Variants in PANX2 observed in about 807,000 individuals in gnomAD.
PANX2 encodes pannexin 2, also known as pannexin-2.
In PANX2, 30 loss-of-function variants were observed where a neutral mutation model predicts 38.7. That is an observed-to-expected ratio of 0.78 (90% confidence interval 0.58 to 1.05). The LOEUF (loss-of-function observed/expected upper bound fraction) is 1.05. Among genes scored for constraint, PANX2 ranks in the 50% least tolerant of loss-of-function variants. PANX2 has a pLI of 0.00. For synonymous variants in PANX2, 539 were observed against 472.1 expected (o/e 1.14, Z -1.84); for missense variants, 880 against 979.3 (o/e 0.90, Z 1.35).
At position 50,175,366 on chromosome 22, in the gene PANX2, G is replaced by A. The variant is rs2063656264; in HGVS notation, c.227-1573G>A. The A allele has an allele frequency of 1.9e-5, 16 of 827,750 alleles. 1 individual carries two copies. In the South Asian group the frequency reaches 2.5e-4, roughly 13 times the overall value. 51.3% of individuals were successfully genotyped at this position (827,750 alleles called of 1,614,324 possible). On this transcript the variant is annotated intron_variant, in intron 1 of 2. Transcript: ENST00000395842. ...CATGTTGGCCACACATGCCCAGCAA[G>A]GGTGGCTGCCAGGGATGGGCCCAGC...
Position 50,178,384 on chromosome 22 carries a change from GC to G in PANX2, c.1676del (p.Pro559ArgfsTer45). ...GGCGGAGGACTGTGGGCTAGGCCTG[GC>G]CCCGGCGCCCATCAAAGGTAGGGGC... ...SQAEDCGLGL[A>X]PAPIKDAPLP... On this transcript the variant is annotated frameshift_variant, in exon 2 of 3. Transcript: ENST00000395842. LOFTEE classifies it low-confidence loss of function (END_TRUNC). 7.0e-7 allele frequency: 1 copy of G among 1,428,738 alleles called. No individual in the cohort carries two copies. The allele number at this position is 1,428,738 out of a possible 1,614,324, so 88.5% of individuals were successfully genotyped here.
chr22:50,172,751 CA>C (rs968546725), intron 1 of PANX2, among the ~76,000 whole-genome samples: 3 of 149,252 alleles, frequency 2.0e-5, no homozygotes, highest in African/African-American at 4.9e-5. Flanking sequence ...TTTTTTGAGA[CA>C]AAGTCTCGCT....
rs549791262 is a variant in PANX2 at position 50,178,533 on chromosome 22, G to C, written c.1690+131G>C. 1.0e-4 allele frequency: 61 copies of C among 594,870 alleles called. No homozygotes were observed. The South Asian group carries it at 1.5e-3, about 15-fold the overall frequency. 36.8% of individuals were successfully genotyped at this position (594,870 alleles called of 1,614,324 possible). A position where few individuals can be genotyped will look rare whatever the true frequency, so the allele number is the denominator to read the frequency against. On this transcript the variant is annotated intron_variant, in intron 2 of 2. Transcript: ENST00000395842. ...GGCCTGGCTTGAGGCCCCCTCAAAG[G>C]GGGAAGGGAGGAGGCCGAGGTTTGA...
rs774650634 is a variant in PANX2 at position 50,178,267 on chromosome 22, C to A, written c.1555C>A (p.Pro519Thr). ...GCGCCACTTCTCCCTGGACGTGCAC[C>A]CCTACATCCTCGGCACCAAGAAGGC... Reference protein sequence around the residue: ...HARHFSLDVHPYILGTKKAKA... With the variant: ...HARHFSLDVHTYILGTKKAKA... The change falls in exon 2 of 3, where the codon CCC becomes ACC. Residue 519 changes from proline (P) to threonine (T), a missense_variant. By Grantham distance (38) the Pro-to-Thr change is conservative (BLOSUM62 -1). Transcript: ENST00000395842. 2.0e-6 allele frequency: 3 copies of A among 1,532,520 alleles called. No homozygotes were observed. Among genetic ancestry groups the A allele is most frequent in the South Asian group, 1.2e-5 (1 of 82,696 alleles). The allele number at this position is 1,532,520 out of a possible 1,614,324, so 94.9% of individuals were successfully genotyped here.
Position 50,177,606 on chromosome 22 carries a change from G to T in PANX2, c.894G>T (p.Leu298=). The change falls in exon 2 of 3, where the codon CTG becomes CTT. Residue 298 remains leucine, a synonymous_variant. Transcript: ENST00000395842. ...TCGCGGGCGTGGACATCGTGCTGCT[G>T]TGCGTCATGAACCTCATCATCCTCG... ...RIIAGVDIVL[L]CVMNLIILVN... The T allele has an allele frequency of 6.2e-7, 1 of 1,612,934 alleles. No individual in the cohort carries two copies.
chr22:50,171,854 G>C (rs1046041875), intron 1 of PANX2, among the ~76,000 whole-genome samples: 1 of 145,868 alleles, frequency 6.9e-6, no homozygotes, highest in South Asian at 2.1e-4. Flanking sequence ...TGGGACCCTG[G>C]GGCCCTCTCT....
chr22:50,178,054 G>A lies in PANX2; in HGVS notation c.1342G>A (p.Ala448Thr), dbSNP rs143361988. The A allele has an allele frequency of 1.9e-5, 30 of 1,552,682 alleles. No homozygotes were observed. The highest frequency in any genetic ancestry group is 2.6e-5 in the Non-Finnish European group (30 of 1,156,574). ...TCCGCAGCCCTTCAAGGAGCCGCTG[G>A]CCATCATGCGCGTGGAGAACAGCAA... is the stretch of plus-strand genomic sequence containing the variant. ...PLPQPFKEPL[A>T]IMRVENSKAE... Residue 448 changes from alanine (A) to threonine (T), a missense_variant, in exon 2 of 3, where the codon GCC (alanine) becomes ACC (threonine). Coordinates refer to ENST00000395842, the MANE Select transcript of PANX2 (RefSeq NM_052839.4).
chr22:50,178,855 G>C, intron 2 of PANX2, 79 bp from the exon 3 acceptor site: 1 of 1,289,680 alleles, frequency 7.8e-7, no homozygotes, highest in Admixed American at 2.5e-5. Flanking sequence ...CTGCTCCCCC[G>C]CCAGCCTGCA....
chr22:50,178,943 TC>T lies in PANX2; in HGVS notation c.1704del (p.Glu569ArgfsTer35). 6.4e-7 allele frequency: 1 copy of T among 1,571,714 alleles called. No homozygotes were observed. On this transcript the variant is annotated frameshift_variant, in exon 3 of 3. Transcript: ENST00000395842. LOFTEE classifies it low-confidence loss of function (END_TRUNC). Reference protein sequence around the residue: ...LAPAPIKDAPLPEKEIPYPTE... With the variant: ...LAPAPIKDAPXPEKEIPYPTE... Reference sequence around the variant, plus strand: ...TCTTGGCTGTTTGCAGATGCTCCGCTCCCCGAGAAGGAAATCCCGTACCCCA... The same window carrying T: ...TCTTGGCTGTTTGCAGATGCTCCGCTCCCGAGAAGGAAATCCCGTACCCCA...
At chr22:50,173,193 G>A (rs1482868841) in intron 1 of PANX2, among the ~76,000 whole-genome samples, 1 of 152,018 alleles carries the variant, frequency 6.6e-6, no homozygotes, top group Non-Finnish European at 1.5e-5. Flanking sequence ...CACCGTGCCT[G>A]ACCCATTTTT....
chr22:50,179,022 A>G lies in PANX2; in HGVS notation c.1779A>G (p.Ser593=), dbSNP rs770065798. The part of the protein sequence containing the change: ...LPSGGPFHVR[S]PPAAPAVAPL... ...CGGGGGGCCCGTTCCACGTCCGCTCACCTCCCGCCGCCCCTGCTGTGGCCC... is the reference window on the plus strand; with the variant it reads ...CGGGGGGCCCGTTCCACGTCCGCTCGCCTCCCGCCGCCCCTGCTGTGGCCC... Residue 593 remains serine (S), a synonymous_variant, in exon 3 of 3, where the codon TCA becomes TCG. Transcript: ENST00000395842. 1 of 1,608,856 alleles carries G rather than the reference A, an allele frequency of 6.2e-7. No individual in the cohort carries two copies. Among genetic ancestry groups the G allele is most frequent in the South Asian group, 1.1e-5 (1 of 90,750 alleles).
At chr22:50,175,398 C>T (rs1013421063) in intron 1 of PANX2, 11 of 1,225,912 alleles carry the variant, frequency 9.0e-6, no homozygotes, top group East Asian at 6.0e-5. Flanking sequence ...CAGCTCAGGA[C>T]GGGACACAAA....
rs1478814213 is a variant in PANX2, at chr22:50,178,314, C to T, written c.1602C>T (p.Ala534=). 3.3e-6 allele frequency: 5 copies of T among 1,514,302 alleles called. No homozygotes were observed. In the African/African-American group the frequency reaches 4.3e-5, roughly 13 times the overall value. 93.8% of individuals were successfully genotyped at this position (1,514,302 alleles called of 1,614,324 possible). ...TKKAKAEAVP[A]ALPASRSQEG... ...AGGCCAAGGCCGAGGCGGTGCCCGC[C>T]GCCCTGCCCGCCTCCCGGAGCCAGG... Residue 534 remains alanine, a synonymous_variant, in exon 2 of 3, where the codon GCC becomes GCT. Transcript: ENST00000395842.
chr22:50,173,441 G>C (rs181048837), intron 1 of PANX2, among the ~76,000 whole-genome samples: 1 of 152,270 alleles, frequency 6.6e-6, no homozygotes, highest in Admixed American at 6.5e-5. Context: ...TTGGAGGGCC[G>C]AGCGCAGCCC....
Position 50,178,114 on chromosome 22 carries a change from G to A in PANX2, c.1402G>A (p.Ala468Thr). ...GCCGAAGCCCGCGCGCAGGAAGACGGCCACGGACACGCTGATCGCGCCGCT... is the reference window on the plus strand; with the variant it reads ...GCCGAAGCCCGCGCGCAGGAAGACGACCACGGACACGCTGATCGCGCCGCT... ...EKPKPARRKTATDTLIAPLLD... is the reference protein window; with the variant it reads ...EKPKPARRKTTTDTLIAPLLD... Residue 468 changes from alanine (A) to threonine (T), a missense_variant, in exon 2 of 3, where the codon GCC (alanine) becomes ACC (threonine). Ala to Thr is a moderately conservative substitution (Grantham distance 58). Around this residue, in one of 4 missense-constraint regions of PANX2, gnomAD observed 445 missense variants for 404.3 expected, o/e 1.10. Transcript: ENST00000395842. 1.3e-6 allele frequency: 2 copies of A among 1,543,072 alleles called. No individual in the cohort carries two copies. The highest frequency in any genetic ancestry group is 2.4e-5 in the South Asian group (2 of 84,052).
chr22:50,178,646 A>T (rs906568316), intron 2 of PANX2, among the ~76,000 whole-genome samples: 2 of 152,106 alleles, frequency 1.3e-5, no homozygotes, highest in Non-Finnish European at 2.9e-5. Context: ...GGTGGGGAAG[A>T]TGCAGGCTGG....
intron 1 of PANX2, among the ~76,000 whole-genome samples, chr22:50,173,709 T>A (rs1210456614): frequency 6.6e-6 from 1 of 152,078 alleles, no homozygotes; most frequent in Non-Finnish European, 1.5e-5. Flanking sequence ...AAAACGAAGG[T>A]GTCAGCAGGG....
At position 50,178,229 on chromosome 22, in the gene PANX2, A is replaced by G; in HGVS notation, c.1517A>G (p.Asp506Gly). The change falls in exon 2 of 3, where the codon GAC (aspartate) becomes GGC (glycine). Residue 506 changes from aspartate (D) to glycine (G), a missense_variant. Asp to Gly is a moderately conservative substitution (Grantham distance 94, BLOSUM62 -1). This residue lies in a region of PANX2 where 445 missense variants were observed against 404.3 expected (regional missense o/e 1.10). Coordinates refer to ENST00000395842, the MANE Select transcript of PANX2 (RefSeq NM_052839.4). ...APAPAPPPAP[D>G]KKHARHFSLD... ...GCCCCCGCCCCGCCGCCCGCCCCTG[A>G]CAAGAAGCACGCGCGCCACTTCTCC... 2.0e-6 allele frequency: 2 copies of G among 985,984 alleles called. No individual in the cohort carries two copies. The highest frequency in any genetic ancestry group is 2.8e-6 in the Non-Finnish European group (2 of 719,554). The allele number at this position is 985,984 out of a possible 1,614,324, so 61.1% of individuals were successfully genotyped here. A position where few individuals can be genotyped will look rare whatever the true frequency, so the allele number is the denominator to read the frequency against.
At chr22:50,174,729 T>C (rs982754827) in intron 1 of PANX2, among the ~76,000 whole-genome samples, 18 of 152,198 alleles carry the variant, frequency 1.2e-4, no homozygotes, top group Non-Finnish European at 5.9e-5. Context: ...GAGGAGGGCC[T>C]CGGACAGAGG....
Sources: gnomAD v4.1 joint callset for allele counts (sites outside exome capture counted in the v4.1 genomes callset) on GRCh38, gnomAD v4.1.1 for gene constraint, gnomAD v4.1.1 regional missense constraint, MANE v1.5 for transcripts, NCBI Gene and HGNC (gene_info 2026-07-23, HGNC 2026-07-21) for gene names.